Variants in RPTOR observed in about 807,000 individuals in gnomAD.
The protein encoded by RPTOR is regulatory-associated protein of mTOR.
A neutral mutation model predicts 169.9 loss-of-function variants in RPTOR; 21 were observed. That is an observed-to-expected ratio of 0.12 (90% CI 0.09 to 0.18). The LOEUF (loss-of-function observed/expected upper bound fraction) is 0.18. Among genes scored for constraint, RPTOR ranks in the 10% least tolerant of loss-of-function variants. The probability of loss-of-function intolerance (pLI) is 1.00; values close to 1 mark genes in which losing one functional copy is unlikely to be tolerated. For synonymous variants in RPTOR, 732 were observed against 753.2 expected, an observed-to-expected ratio of 0.97 and a Z score of 0.46; for missense variants, 1,133 against 1,855.9, an observed-to-expected ratio of 0.61 and a Z score of 7.16.
At chr17:80,843,866 G>A (rs1467444734) in intron 10 of RPTOR, among the ~76,000 whole-genome samples, 1 of 152,142 alleles carries the variant, frequency 6.6e-6, no homozygotes, top group African/African-American at 2.4e-5. Context: ...TCAGTCTGCT[G>A]CCCCTGTTTT....
At chr17:80,886,498 T>C (rs548818479) in intron 17 of RPTOR, among the ~76,000 whole-genome samples, 69 of 152,242 alleles carry the variant, frequency 4.5e-4, no homozygotes, top group Non-Finnish European at 7.8e-4. Context: ...TGGACATCAC[T>C]GATCAAAGCA....
intron 13 of RPTOR, among the ~76,000 whole-genome samples, chr17:80,863,565 A>G (rs904218620): frequency 1.3e-5 from 2 of 152,252 alleles, no homozygotes; most frequent in Non-Finnish European, 2.9e-5. Context: ...AAACTGCAAT[A>G]TGTGATGGGA....
chr17:80,594,358 C>G (rs2065129405), intron 1 of RPTOR, among the ~76,000 whole-genome samples: 1 of 152,214 alleles, frequency 6.6e-6, no homozygotes, highest in South Asian at 2.1e-4. Flanking sequence ...GCCCAAAGTG[C>G]TGGGATTACA....
At chr17:80,638,107 G>A (rs1223152358) in intron 2 of RPTOR, among the ~76,000 whole-genome samples, 1 of 152,266 alleles carries the variant, frequency 6.6e-6, no homozygotes, top group Non-Finnish European at 1.5e-5. Context: ...GTAGAACAGA[G>A]ACCAATACGA....
intron 3 of RPTOR, among the ~76,000 whole-genome samples, chr17:80,661,189 T>G (rs550056217): frequency 6.6e-6 from 1 of 152,216 alleles, no homozygotes; most frequent in Non-Finnish European, 1.5e-5. Context: ...TAAGCGTGGC[T>G]GACTTGGTGA....
chr17:80,960,162 G>T lies in RPTOR; in HGVS notation c.3562G>T (p.Gly1188Cys), dbSNP rs1398062769. Residue 1188 changes from glycine to cysteine, a missense_variant, in exon 30 of 34, where the codon GGC becomes TGC. Physicochemically the swap from Gly to Cys is radical, Grantham distance 159. Coordinates refer to ENST00000306801, the MANE Select transcript of RPTOR (RefSeq NM_020761.3). This position sits in a 1 kb window ranked among gnomAD's most constrained non-coding sequence, Gnocchi z 4.8. ...ACTCATCGTGGCTGGCCTCGGTGACGGCTCCATCCGCGTCTACGACAGAAG... is the reference window on the plus strand; with the variant it reads ...ACTCATCGTGGCTGGCCTCGGTGACTGCTCCATCCGCGTCTACGACAGAAG... Reference protein sequence around the residue: ...RSLIVAGLGDGSIRVYDRRMA... With the variant: ...RSLIVAGLGDCSIRVYDRRMA... The T allele has an allele frequency of 6.2e-7, 1 of 1,613,546 alleles. No homozygotes were observed. The highest frequency in any genetic ancestry group is 1.7e-5 in the Admixed American group (1 of 60,018).
chr17:80,853,403 C>T (rs1028729864), intron 11 of RPTOR, among the ~76,000 whole-genome samples: 3 of 152,148 alleles, frequency 2.0e-5, no homozygotes, highest in Admixed American at 6.5e-5. Context: ...AGGCCTGCAG[C>T]GAGGCCAGGT....
At chr17:80,800,597 A>G (rs932059670) in intron 7 of RPTOR, among the ~76,000 whole-genome samples, 1 of 152,194 alleles carries the variant, frequency 6.6e-6, no homozygotes, top group African/African-American at 2.4e-5. Context: ...CTAATTATCT[A>G]TGCTAACCTA....
rs988725323 is a variant in RPTOR at position 80,940,613 on chromosome 17, C to T, written c.3025+12C>T. The T allele has an allele frequency of 1.7e-5, 27 of 1,597,366 alleles. No homozygotes were observed. Among genetic ancestry groups the T allele is most frequent in the African/African-American group, 6.7e-5 (5 of 74,476 alleles). On this transcript the variant is annotated intron_variant, in intron 25 of 33. Transcript: ENST00000306801. ...AGTCATTCAGAAGGGTAAGGGCACC[C>T]GCACAGCCAGCCAGGGGCTCATTCC...
intron 6 of RPTOR, among the ~76,000 whole-genome samples, chr17:80,788,758 G>A (rs533120875): frequency 6.6e-6 from 1 of 152,098 alleles, no homozygotes; most frequent in Admixed American, 6.6e-5. Flanking sequence ...AACAATGGTC[G>A]CCAAATAATA....
At chr17:80,819,802 G>A (rs1375028056) in intron 7 of RPTOR, among the ~76,000 whole-genome samples, 1 of 152,232 alleles carries the variant, frequency 6.6e-6, no homozygotes, top group African/African-American at 2.4e-5. Context: ...GAGTGATGCA[G>A]TATCAGTCAC....
intron 6 of RPTOR, among the ~76,000 whole-genome samples, chr17:80,769,037 C>T (rs1442034445): frequency 2.0e-5 from 3 of 152,224 alleles, no homozygotes; most frequent in Non-Finnish European, 4.4e-5. Flanking sequence ...GATAATGCCT[C>T]TTGATGGCAT....
chr17:80,592,667 G>A (rs2065115781), intron 1 of RPTOR, among the ~76,000 whole-genome samples: 1 of 152,128 alleles, frequency 6.6e-6, no homozygotes, highest in Admixed American at 6.5e-5. Flanking sequence ...GATTTATTTG[G>A]GTAAAGAGGG....
At position 80,609,773 on chromosome 17, in the gene RPTOR, TTGTGTGTGTGTG is replaced by T. The variant is rs35843489; in HGVS notation, c.163-15894_163-15883del. 3.5e-5 allele frequency among the ~76,000 whole-genome samples: 5 copies of T among 143,252 alleles called. No individual in the cohort carries two copies. The highest frequency in any genetic ancestry group is 2.2e-4 in the South Asian group (1 of 4,484). 94.0% of individuals were successfully genotyped at this position (143,252 alleles called of 152,430 possible). On this transcript the variant is annotated intron_variant, in intron 1 of 33. Transcript: ENST00000306801. The surrounding 1 kb of genome is among the most constrained non-coding windows in gnomAD (Gnocchi z 4.8). ...AAAAAAAAAAAGTTTAAGGTGTTGGTTGTGTGTGTGTGTGTGTGTGTGTGTGTGTGTGTGTTA... is the reference window on the plus strand; with the variant it reads ...AAAAAAAAAAAGTTTAAGGTGTTGGTTGTGTGTGTGTGTGTGTGTGTGTTA...
intron 3 of RPTOR, among the ~76,000 whole-genome samples, chr17:80,671,178 G>T (rs1344934577): frequency 2.0e-5 from 3 of 152,088 alleles, no homozygotes; most frequent in Non-Finnish European, 4.4e-5. Context: ...TTGCTCCACG[G>T]GCCCCTCCTG....
At chr17:80,608,923 C>T (rs780649785) in intron 1 of RPTOR, among the ~76,000 whole-genome samples, 11 of 152,178 alleles carry the variant, frequency 7.2e-5, no homozygotes, top group East Asian at 1.9e-4. Flanking sequence ...GCCTATTAGT[C>T]GCAAAATTTG....
intron 5 of RPTOR, among the ~76,000 whole-genome samples, chr17:80,743,687 T>G (rs186237723): frequency 1.6e-4 from 21 of 135,312 alleles, no homozygotes; most frequent in Non-Finnish European, 2.4e-4. Flanking sequence ...CCCTGGCTAC[T>G]AGCACAGCCC....
intron 11 of RPTOR, among the ~76,000 whole-genome samples, chr17:80,848,313 A>G (rs1442830126): frequency 1.3e-5 from 2 of 152,240 alleles, no homozygotes; most frequent in African/African-American, 4.8e-5. Flanking sequence ...CACATTTCAC[A>G]GTATATATTT....
At chr17:80,645,547 T>C (rs2065588549) in intron 3 of RPTOR, among the ~76,000 whole-genome samples, 1 of 152,224 alleles carries the variant, frequency 6.6e-6, no homozygotes, top group Non-Finnish European at 1.5e-5. Flanking sequence ...TTCCATTTGC[T>C]CTGATTTACA....
Sources: allele counts gnomAD v4.1 joint callset (sites outside exome capture counted in the v4.1 genomes callset), GRCh38; gene constraint gnomAD v4.1.1; non-coding constraint Gnocchi (gnomAD v3.1); transcripts MANE v1.5; gene names NCBI Gene and HGNC (gene_info 2026-07-23, HGNC 2026-07-21).